IMMP2L: variants seen among roughly 807,000 people sequenced by gnomAD.
The protein encoded by IMMP2L is mitochondrial inner membrane protease subunit 2.
IMMP2L carries 18 observed loss-of-function variants against 19.3 expected under a neutral mutation model. That is an observed-to-expected ratio of 0.93 (90% CI 0.64 to 1.38). IMMP2L has a LOEUF of 1.38. IMMP2L is among the 40% of genes most tolerant of loss of function. The pLI, the probability that IMMP2L is intolerant of heterozygous loss-of-function variation, is 0.00. For missense variants in IMMP2L, 233 were observed against 218.2 expected (o/e 1.07, Z -0.43); for synonymous variants, 76 against 73.0 (o/e 1.04, Z -0.21).
At chr7:110,706,279 T>C (rs1277171497) in intron 5 of IMMP2L, among the ~76,000 whole-genome samples, 2 of 152,016 alleles carry the variant, frequency 1.3e-5, no homozygotes, top group Non-Finnish European at 2.9e-5. Context: ...ATTTCCTTAT[T>C]ATGTTGTAGA....
rs552115834 is a variant in IMMP2L at position 110,809,261 on chromosome 7, TAATACTAAAAACAAATCAGGTA to T, written c.408+77310_408+77331del. ...AGCTCACTGAAGAAGACTAAGATAT[TAATACTAAAAACAAATCAGGTA>T]AATACTAAAAACAAATACTCTTAGA... On this transcript the variant is annotated intron_variant, in intron 5 of 5. Coordinates refer to ENST00000405709, the MANE Select transcript of IMMP2L (RefSeq NM_032549.4). Among the ~76,000 whole-genome samples the T allele has an allele frequency of 1.3e-4, 20 of 152,104 alleles. No homozygotes were observed. The South Asian group carries it at 2.9e-3, about 22-fold the overall frequency.
intron 5 of IMMP2L, among the ~76,000 whole-genome samples, chr7:110,769,132 A>T (rs1798870477): frequency 6.6e-6 from 1 of 152,190 alleles, no homozygotes; most frequent in Non-Finnish European, 1.5e-5. Context: ...TTCTCGCAGC[A>T]CATTTCTTCT....
intron 4 of IMMP2L, among the ~76,000 whole-genome samples, chr7:110,929,609 G>T (rs1815252321): frequency 6.6e-6 from 1 of 152,158 alleles, no homozygotes; most frequent in Non-Finnish European, 1.5e-5. Flanking sequence ...GCACTGAATT[G>T]TTCACGTAAC....
chr7:111,531,131 A>G (rs1339947808), intron 1 of IMMP2L, among the ~76,000 whole-genome samples: 1 of 151,688 alleles, frequency 6.6e-6, no homozygotes, highest in Non-Finnish European at 1.5e-5. Context: ...TTGTTTTGGT[A>G]TTTTTAGTAG....
At position 110,728,550 on chromosome 7, in the gene IMMP2L, C is replaced by T. The variant is rs941353027; in HGVS notation, c.409-64829G>A. On this transcript the variant is annotated intron_variant, in intron 5 of 5. Coordinates refer to ENST00000405709, the MANE Select transcript of IMMP2L (RefSeq NM_032549.4). This position sits in a 1 kb window ranked among gnomAD's most constrained non-coding sequence, Gnocchi z 4.6. ...TAACAATATTAAAGGCCCCTTTTGA[C>T]CCACCTTACCTGCAAAGAATAATCA... Among the ~76,000 whole-genome samples the T allele has an allele frequency of 9.9e-5, 15 of 152,056 alleles. No individual in the cohort carries two copies. The highest frequency in any genetic ancestry group is 2.1e-4 in the Non-Finnish European group (14 of 67,990).
intron 5 of IMMP2L, among the ~76,000 whole-genome samples, chr7:110,875,451 T>C (rs1808970020): frequency 6.6e-6 from 1 of 152,186 alleles, no homozygotes; most frequent in South Asian, 2.1e-4. Flanking sequence ...CTGTACCAAA[T>C]ATTTTGTGAA....
At chr7:111,446,605 G>GA (rs879793121) in intron 3 of IMMP2L, among the ~76,000 whole-genome samples, 5 of 152,046 alleles carry the variant, frequency 3.3e-5, no homozygotes, top group African/African-American at 9.7e-5. Flanking sequence ...CAAAGATGGA[G>GA]AAAAAACAGA....
At chr7:111,195,809 T>G (rs1809418355) in intron 3 of IMMP2L, among the ~76,000 whole-genome samples, 1 of 110 alleles carries the variant, frequency 9.1e-3, no homozygotes, top group Non-Finnish European at 0.026. Flanking sequence ...AATTTAATTT[T>G]TATTGTTTAT....
intron 5 of IMMP2L, among the ~76,000 whole-genome samples, chr7:110,765,336 T>C (rs569960135): frequency 7.8e-4 from 118 of 152,250 alleles, no homozygotes; most frequent in Non-Finnish European, 1.4e-3. Context: ...TATAGACATA[T>C]TTATATCCCA....
rs114454845 is a variant in IMMP2L, at chr7:111,273,049, G to A, written c.239+214189C>T. Among the ~76,000 whole-genome samples the A allele has an allele frequency of 1.9e-3, 296 of 152,028 alleles. 1 individual carries two copies. Among genetic ancestry groups the A allele is most frequent in the African/African-American group, 6.8e-3 (284 of 41,480 alleles). On this transcript the variant is annotated intron_variant, in intron 3 of 5. Transcript: ENST00000405709. ...TCTCAGCACTTTGGAAGGTGGAGGC[G>A]GGCAAACCACTTGAGGTCAGGAGTT... is the stretch of plus-strand genomic sequence containing the variant.
Position 111,050,527 on chromosome 7 carries a change from T to C in IMMP2L, c.240-86962A>G, listed in dbSNP as rs1037155941. On this transcript the variant is annotated intron_variant, in intron 3 of 5. Coordinates refer to ENST00000405709, the MANE Select transcript of IMMP2L (RefSeq NM_032549.4). Reference sequence around the variant, plus strand: ...GTTCTTTCTTTAGGTATGTTAATGTTAAATGGTCTTGTTTAAAGGGGACAT... The same window carrying C: ...GTTCTTTCTTTAGGTATGTTAATGTCAAATGGTCTTGTTTAAAGGGGACAT... Among the ~76,000 whole-genome samples, 9 of 152,352 alleles carry C rather than the reference T, an allele frequency of 5.9e-5. No individual in the cohort carries two copies. In the East Asian group the frequency reaches 1.7e-3, roughly 29 times the overall value.
intron 3 of IMMP2L, among the ~76,000 whole-genome samples, chr7:110,985,460 TA>T (rs1454231461): frequency 6.6e-6 from 1 of 152,124 alleles, no homozygotes; most frequent in African/African-American, 2.4e-5. Flanking sequence ...GAAAAGTTCT[TA>T]AAAAATAGTA....
intron 3 of IMMP2L, among the ~76,000 whole-genome samples, chr7:111,424,586 C>T (rs1162747542): frequency 1.3e-5 from 2 of 151,784 alleles, no homozygotes; most frequent in Non-Finnish European, 2.9e-5. Context: ...GGATTCATTA[C>T]ATCTGTATAA....
intron 3 of IMMP2L, among the ~76,000 whole-genome samples, chr7:111,345,700 C>A (rs949623475): frequency 6.6e-6 from 1 of 152,080 alleles, no homozygotes; most frequent in African/African-American, 2.4e-5. Context: ...TAGTGGCTAA[C>A]AAGTCTAGCT....
chr7:111,026,851 G>C (rs757569342), intron 3 of IMMP2L, among the ~76,000 whole-genome samples: 1 of 152,276 alleles, frequency 6.6e-6, no homozygotes, highest in African/African-American at 2.4e-5. Context: ...GTAGTGTAAT[G>C]TGGGGGTAGA....
rs141613801 is a variant in IMMP2L at position 110,737,396 on chromosome 7, G to A, written c.409-73675C>T. 1.7e-3 allele frequency among the ~76,000 whole-genome samples: 252 copies of A among 152,292 alleles called. 1 individual carries two copies. The highest frequency in any genetic ancestry group is 5.7e-3 in the African/African-American group (236 of 41,564). Reference sequence around the variant, plus strand: ...GCTTTATGGGAGCAGGGTGAGGCCTGTGACTGCTGGCTTTCCTCCACTTCC... The same window carrying A: ...GCTTTATGGGAGCAGGGTGAGGCCTATGACTGCTGGCTTTCCTCCACTTCC... On this transcript the variant is annotated intron_variant, in intron 5 of 5. Transcript: ENST00000405709.
At chr7:111,301,643 G>A (rs1463333151) in intron 3 of IMMP2L, among the ~76,000 whole-genome samples, 5 of 151,898 alleles carry the variant, frequency 3.3e-5, no homozygotes, top group Non-Finnish European at 1.5e-5. Flanking sequence ...AAGGTATGAG[G>A]TTTAGGTCAA....
intron 5 of IMMP2L, among the ~76,000 whole-genome samples, chr7:110,772,692 A>G (rs1799114376): frequency 6.6e-6 from 1 of 152,140 alleles, no homozygotes; most frequent in South Asian, 2.1e-4. Flanking sequence ...CTTCTCTTCA[A>G]TAGCCAGGCC....
At chr7:111,114,644 G>A (rs1428957584) in intron 3 of IMMP2L, among the ~76,000 whole-genome samples, 1 of 151,004 alleles carries the variant, frequency 6.6e-6, no homozygotes, top group Non-Finnish European at 1.5e-5. Flanking sequence ...GCTGAGGCAG[G>A]AGAATTGTTT....
Sources: gnomAD v4.1 joint callset for allele counts (sites outside exome capture counted in the v4.1 genomes callset) on GRCh38, gnomAD v4.1.1 for gene constraint, Gnocchi (gnomAD v3.1) non-coding constraint, MANE v1.5 for transcripts, NCBI Gene and HGNC (gene_info 2026-07-23, HGNC 2026-07-21) for gene names.